RYR2: variants seen among roughly 807,000 people sequenced by gnomAD.
RYR2 encodes cardiac muscle ryanodine receptor-calcium release channel.
In RYR2, 227 loss-of-function variants were observed where a neutral mutation model predicts 601.1. That is an observed-to-expected ratio of 0.38 (90% CI 0.34 to 0.42). The LOEUF (loss-of-function observed/expected upper bound fraction) is 0.42. Among genes scored for constraint, RYR2 ranks in the 10% least tolerant of loss-of-function variants. The pLI, the probability that RYR2 is intolerant of heterozygous loss-of-function variation, is 1.00. For synonymous variants in RYR2, 2,223 were observed against 2,175.1 expected (o/e 1.02, Z -0.61); for missense variants, 4,646 against 6,156.5 (o/e 0.75, Z 8.21).
At chr1:237,118,420 A>G (rs1670377200) in intron 1 of RYR2, among the ~76,000 whole-genome samples, 1 of 151,410 alleles carries the variant, frequency 6.6e-6, no homozygotes, top group Non-Finnish European at 1.5e-5. Flanking sequence ...ACTCCATACT[A>G]GATTCTGTGC....
At chr1:237,332,733 G>A (rs541962701) in intron 3 of RYR2, among the ~76,000 whole-genome samples, 23 of 152,100 alleles carry the variant, frequency 1.5e-4, no homozygotes, top group Non-Finnish European at 2.5e-4. Flanking sequence ...GTTAAGTTGC[G>A]TTTTTTAAAT....
rs534356196 is a variant in RYR2, at chr1:237,286,940, G to A, written c.168+16324G>A. 3.7e-3 allele frequency among the ~76,000 whole-genome samples: 570 copies of A among 152,242 alleles called. 6 individuals are homozygous for A. Among genetic ancestry groups the A allele is most frequent in the African/African-American group, 0.013 (539 of 41,538 alleles). Reference sequence around the variant, plus strand: ...CCTGTGTGATTTATGCTTTAAAGAGGTTCTGTTTTGATGTGTTTCCAGGAT... The same window carrying A: ...CCTGTGTGATTTATGCTTTAAAGAGATTCTGTTTTGATGTGTTTCCAGGAT... On this transcript the variant is annotated intron_variant, in intron 2 of 104. Transcript: ENST00000366574.
intron 2 of RYR2, among the ~76,000 whole-genome samples, chr1:237,274,185 T>C (rs1690022282): frequency 6.6e-6 from 1 of 150,384 alleles, no homozygotes; most frequent in Non-Finnish European, 1.5e-5. Context: ...TTAATGTACA[T>C]ATTATATATG....
chr1:237,555,219 G>A (rs1290808795), intron 27 of RYR2: 1 of 152,000 alleles, frequency 6.6e-6, no homozygotes, highest in African/African-American at 2.4e-5. Context: ...CACTAACATT[G>A]CCTTATGATA....
chr1:237,439,606 T>C (rs1236236071), intron 12 of RYR2, among the ~76,000 whole-genome samples: 3 of 151,580 alleles, frequency 2.0e-5, no homozygotes, highest in East Asian at 3.9e-4. Context: ...ACTGTGCCAC[T>C]GCATTCCAGC....
chr1:237,823,561 C>A (rs1171105471), intron 101 of RYR2, among the ~76,000 whole-genome samples: 1 of 152,032 alleles, frequency 6.6e-6, no homozygotes, highest in Non-Finnish European at 1.5e-5. Context: ...GCACTAAATG[C>A]CCAAAAGAGA....
intron 1 of RYR2, among the ~76,000 whole-genome samples, chr1:237,050,396 C>T (rs1010586160): frequency 6.6e-6 from 1 of 152,154 alleles, no homozygotes; most frequent in Non-Finnish European, 1.5e-5. Flanking sequence ...CCCTGGGACA[C>T]GTGGTTCTTA....
At chr1:237,510,368 G>A (rs950163588) in intron 23 of RYR2, among the ~76,000 whole-genome samples, 15 of 152,184 alleles carry the variant, frequency 9.9e-5, no homozygotes, top group African/African-American at 3.6e-4. Flanking sequence ...AGACAAAGTG[G>A]AGATGACCTA....
intron 15 of RYR2, among the ~76,000 whole-genome samples, chr1:237,454,970 G>T (rs1309138525): frequency 6.6e-6 from 1 of 152,098 alleles, no homozygotes; most frequent in Non-Finnish European, 1.5e-5. Context: ...CCTTGGAAAT[G>T]GCCCAGGATC....
At chr1:237,681,451 A>C (rs1449499212) in intron 62 of RYR2, among the ~76,000 whole-genome samples, 1 of 152,190 alleles carries the variant, frequency 6.6e-6, no homozygotes, top group Non-Finnish European at 1.5e-5. Context: ...TGGGGAATGC[A>C]GCTGGAGTGG....
intron 27 of RYR2, among the ~76,000 whole-genome samples, chr1:237,557,852 G>A (rs907331309): frequency 6.6e-6 from 1 of 152,130 alleles, no homozygotes; most frequent in Non-Finnish European, 1.5e-5. Flanking sequence ...ATGGACATGG[G>A]GTAGTGGGAA....
At chr1:237,370,827 A>ATTT (rs1356224811) in intron 6 of RYR2, among the ~76,000 whole-genome samples, 2 of 151,712 alleles carry the variant, frequency 1.3e-5, no homozygotes. Context: ...CACCCAGCTA[A>ATTT]TTTTTTGTAT....
chr1:237,621,868 C>T (rs941333688), intron 38 of RYR2, among the ~76,000 whole-genome samples: 6 of 152,010 alleles, frequency 3.9e-5, no homozygotes, highest in African/African-American at 7.2e-5. Flanking sequence ...GTGGTTGCCA[C>T]GACTTAAGGA....
chr1:237,405,525 G>A (rs181017043), intron 10 of RYR2, among the ~76,000 whole-genome samples: 19 of 152,298 alleles, frequency 1.2e-4, no homozygotes, highest in Non-Finnish European at 2.1e-4. Context: ...ATGTCTGCGT[G>A]AATTTCACTT....
chr1:237,658,349 C>T lies in RYR2; in HGVS notation c.8208+327C>T, dbSNP rs867634658. 2.6e-4 allele frequency among the ~76,000 whole-genome samples: 40 copies of T among 152,192 alleles called. No individual in the cohort carries two copies. In the Middle Eastern group the frequency reaches 0.014, roughly 52 times the overall value. Reference sequence around the variant, plus strand: ...AGAGCTTCAGGAGGAAATGATGACTCCGGGTTCAGAATTCACCTTTTAAGG... The same window carrying T: ...AGAGCTTCAGGAGGAAATGATGACTTCGGGTTCAGAATTCACCTTTTAAGG... On this transcript the variant is annotated intron_variant, in intron 54 of 104. Transcript: ENST00000366574.
intron 29 of RYR2, among the ~76,000 whole-genome samples, chr1:237,573,578 A>G (rs549746041): frequency 1.3e-5 from 2 of 149,584 alleles, no homozygotes; most frequent in African/African-American, 4.9e-5. Context: ...CTCTTCCAGA[A>G]CTAGATGGCG....
chr1:237,612,846 G>T (rs1012685626), intron 36 of RYR2, among the ~76,000 whole-genome samples: 1 of 152,178 alleles, frequency 6.6e-6, no homozygotes. Flanking sequence ...AGATGTGTAT[G>T]TATGTGAATG....
chr1:237,440,866 T>C (rs1707837580), intron 12 of RYR2, among the ~76,000 whole-genome samples: 1 of 152,088 alleles, frequency 6.6e-6, no homozygotes, highest in African/African-American at 2.4e-5. Context: ...ATTAGCTTTA[T>C]TTATGGATGA....
intron 27 of RYR2, among the ~76,000 whole-genome samples, chr1:237,563,475 CT>C (rs11328026): frequency 0.53 from 77,254 of 146,898 alleles, 22,239 homozygotes; most frequent in South Asian, 0.66. Context: ...AAGAAGAGTC[CT>C]TTTTTTTTTG....
Sources: allele counts gnomAD v4.1 joint callset (sites outside exome capture counted in the v4.1 genomes callset), GRCh38; gene constraint gnomAD v4.1.1; transcripts MANE v1.5; gene names NCBI Gene and HGNC (gene_info 2026-07-23, HGNC 2026-07-21).